Variants in RAB20 observed in about 807,000 individuals in gnomAD.
RAB20 encodes RAB20, member RAS oncogene family, also known as ras-related protein Rab-20.
A neutral mutation model predicts 3.7 loss-of-function variants in RAB20; 2 were observed. The ratio of observed to expected loss-of-function variants is 0.54; its 90% CI spans 0.22 to 1.69. The LOEUF is 1.69. Among genes scored for constraint, RAB20 ranks in the 40% most tolerant of loss-of-function variants. The probability of loss-of-function intolerance (pLI) is 0.19; values close to 1 mark genes in which losing one functional copy is unlikely to be tolerated. For synonymous variants in RAB20, 126 were observed against 130.8 expected (o/e 0.96, Z 0.25); for missense variants, 276 against 311.9 (o/e 0.88, Z 0.87).
chr13:110,546,320 ATCT>A (rs1181802366), intron 1 of RAB20, among the ~76,000 whole-genome samples: 3 of 152,232 alleles, frequency 2.0e-5, no homozygotes, highest in African/African-American at 4.8e-5. Context: ...ACAGGATCAT[ATCT>A]TCATTTTGTT....
chr13:110,561,033 A>G (rs1566593998), intron 1 of RAB20, among the ~76,000 whole-genome samples: 1 of 152,190 alleles, frequency 6.6e-6, no homozygotes, highest in Non-Finnish European at 1.5e-5. Flanking sequence ...ATACCTAACA[A>G]AGCAGCCACA....
intron 1 of RAB20, among the ~76,000 whole-genome samples, chr13:110,532,853 T>A (rs1478332560): frequency 6.6e-6 from 1 of 152,126 alleles, no homozygotes; most frequent in African/African-American, 2.4e-5. Flanking sequence ...TAATTTCTTT[T>A]ATGTTTGTGT....
chr13:110,535,793 T>C (rs1884629493), intron 1 of RAB20, among the ~76,000 whole-genome samples: 1 of 152,166 alleles, frequency 6.6e-6, no homozygotes, highest in East Asian at 1.9e-4. Context: ...TACCCAAAGC[T>C]CCGGCCGCGC....
At chr13:110,533,232 G>C (rs1884575852) in intron 1 of RAB20, among the ~76,000 whole-genome samples, 1 of 152,216 alleles carries the variant, frequency 6.6e-6, no homozygotes, top group African/African-American at 2.4e-5. Context: ...TTTGCAGGTT[G>C]CATCCACAAA....
At chr13:110,552,692 C>CAAAT (rs199741920) in intron 1 of RAB20, among the ~76,000 whole-genome samples, 24,389 of 144,462 alleles carry the variant, frequency 0.17, 3,280 homozygotes, top group African/African-American at 0.37. Context: ...GACTCCATCT[C>CAAAT]AAATAAATAA....
rs1406349939 is a variant in RAB20, at chr13:110,523,884, G to T, written c.486C>A (p.Leu162=). Residue 162 remains leucine (L), a synonymous_variant, in exon 2 of 2, where the codon CTC becomes CTA. Coordinates refer to ENST00000267328, the MANE Select transcript of RAB20 (RefSeq NM_017817.3). ...EDAVALYKKI[L]KYKMLDEQDV... ...CCTGCTCATCCAGCATCTTGTACTTGAGGATCTTTTTATAAAGGGCCACCG... is the reference window on the plus strand; with the variant it reads ...CCTGCTCATCCAGCATCTTGTACTTTAGGATCTTTTTATAAAGGGCCACCG... 1 of 1,614,194 alleles carries T rather than the reference G, an allele frequency of 6.2e-7. No homozygotes were observed. The highest frequency in any genetic ancestry group is 1.7e-5 in the Admixed American group (1 of 60,032).
intron 1 of RAB20, among the ~76,000 whole-genome samples, chr13:110,539,314 G>C (rs757072364): frequency 6.6e-6 from 1 of 152,092 alleles, no homozygotes; most frequent in African/African-American, 2.4e-5. Flanking sequence ...CCTGCTTAAT[G>C]ACTGTCTACA....
intron 1 of RAB20, among the ~76,000 whole-genome samples, chr13:110,531,139 G>A (rs1884533194): frequency 6.6e-6 from 1 of 152,206 alleles, no homozygotes; most frequent in African/African-American, 2.4e-5. Flanking sequence ...AGGAGGAACT[G>A]AGGCACAGAT....
At chr13:110,553,315 C>G (rs1365722716) in intron 1 of RAB20, among the ~76,000 whole-genome samples, 1 of 152,248 alleles carries the variant, frequency 6.6e-6, no homozygotes, top group Non-Finnish European at 1.5e-5. Flanking sequence ...TACACACACA[C>G]AGTAGAAACT....
chr13:110,526,738 G>A (rs1253214958), intron 1 of RAB20, among the ~76,000 whole-genome samples: 1 of 152,238 alleles, frequency 6.6e-6, no homozygotes, highest in African/African-American at 2.4e-5. Flanking sequence ...AACAGGGCCA[G>A]CAGGTGCTTC....
chr13:110,535,586 T>C (rs1332354754), intron 1 of RAB20, among the ~76,000 whole-genome samples: 1 of 152,192 alleles, frequency 6.6e-6, no homozygotes, highest in Non-Finnish European at 1.5e-5. Flanking sequence ...AGATTCCACC[T>C]CTCCTCCTCC....
At chr13:110,540,093 T>C (rs550540184) in intron 1 of RAB20, among the ~76,000 whole-genome samples, 22 of 152,364 alleles carry the variant, frequency 1.4e-4, no homozygotes, top group Admixed American at 5.9e-4. Context: ...CAGACATGAA[T>C]GTACTAAAAA....
intron 1 of RAB20, among the ~76,000 whole-genome samples, chr13:110,549,143 TC>T (rs1483732082): frequency 7.9e-5 from 12 of 152,212 alleles, no homozygotes; most frequent in African/African-American, 2.2e-4. Flanking sequence ...AGGAAAGACA[TC>T]CGTTGCCATC....
chr13:110,523,319 C>T lies in RAB20; in HGVS notation c.*346G>A, dbSNP rs1884363393. The T allele has an allele frequency of 2.1e-6, 1 of 485,400 alleles. No individual in the cohort carries two copies. Among genetic ancestry groups the T allele is most frequent in the African/African-American group, 1.9e-5 (1 of 51,490 alleles). The allele number at this position is 485,400 out of a possible 1,614,324, so 30.1% of individuals were successfully genotyped here. A position where few individuals can be genotyped will look rare whatever the true frequency, so the allele number is the denominator to read the frequency against. On this transcript the variant is annotated 3_prime_UTR_variant, in exon 2 of 2. Transcript: ENST00000267328. ...GCTGAAACGGTCAGAGGTGCAGGTG[C>T]AGACGCAGGCTTCTGCCTCTGCAAG... is the stretch of plus-strand genomic sequence containing the variant.
At chr13:110,537,508 C>T (rs779100609) in intron 1 of RAB20, among the ~76,000 whole-genome samples, 1 of 152,006 alleles carries the variant, frequency 6.6e-6, no homozygotes, top group South Asian at 2.1e-4. Flanking sequence ...CAATTGTCCG[C>T]ACCTTGAAGA....
chr13:110,529,213 T>C (rs112809310), intron 1 of RAB20, among the ~76,000 whole-genome samples: 40 of 152,254 alleles, frequency 2.6e-4, no homozygotes, highest in African/African-American at 9.2e-4. Flanking sequence ...AGATTCACAG[T>C]GTATTTGAAT....
At chr13:110,525,700 AG>A (rs1884416842) in intron 1 of RAB20, among the ~76,000 whole-genome samples, 1 of 152,242 alleles carries the variant, frequency 6.6e-6, no homozygotes, top group Admixed American at 6.5e-5. Flanking sequence ...CCCAGCAGGG[AG>A]GGCCGAGCCG....
At chr13:110,538,734 G>A (rs1449974698) in intron 1 of RAB20, among the ~76,000 whole-genome samples, 1 of 152,128 alleles carries the variant, frequency 6.6e-6, no homozygotes, top group Non-Finnish European at 1.5e-5. Context: ...AGCTCCCTGG[G>A]GACGGCTGTT....
At chr13:110,536,023 G>A (rs965744886) in intron 1 of RAB20, among the ~76,000 whole-genome samples, 2 of 152,200 alleles carry the variant, frequency 1.3e-5, no homozygotes, top group East Asian at 1.9e-4. Context: ...CATGGAGTAC[G>A]GCAGACCCTT....
Sources: gnomAD v4.1 joint callset for allele counts (sites outside exome capture counted in the v4.1 genomes callset) on GRCh38, gnomAD v4.1.1 for gene constraint, MANE v1.5 for transcripts, NCBI Gene and HGNC (gene_info 2026-07-23, HGNC 2026-07-21) for gene names.